ANO3: variants seen among roughly 807,000 people sequenced by gnomAD.
ANO3 encodes the protein anoctamin-3.
In ANO3, 99 loss-of-function variants were observed where a neutral mutation model predicts 144.8. The observed-to-expected ratio is 0.68, with a 90% confidence interval of 0.58 to 0.81. ANO3 has a LOEUF of 0.81. ANO3 is among the 30% of genes least tolerant of loss of function. ANO3 has a pLI of 0.00. For missense variants in ANO3, 905 were observed against 1,202.2 expected (o/e 0.75, Z 3.66); for synonymous variants, 414 against 392.6 (o/e 1.05, Z -0.64).
At chr11:26,294,891 A>T (rs1325030127) in intron 1 of ANO3, among the ~76,000 whole-genome samples, 1 of 151,600 alleles carries the variant, frequency 6.6e-6, no homozygotes, top group African/African-American at 2.4e-5. Context: ...TCTTTTTTTA[A>T]ATGTATTTAT....
At chr11:26,569,358 AGAAATTTAT>A (rs1289926610) in intron 14 of ANO3, among the ~76,000 whole-genome samples, 1 of 152,138 alleles carries the variant, frequency 6.6e-6, no homozygotes, top group African/African-American at 2.4e-5. Flanking sequence ...TGGTTTATTC[AGAAATTTAT>A]ACACTACAGA....
At chr11:26,301,585 C>CT (rs1854233825) in intron 1 of ANO3, among the ~76,000 whole-genome samples, 1 of 152,064 alleles carries the variant, frequency 6.6e-6, no homozygotes, top group Non-Finnish European at 1.5e-5. Context: ...ATTTCTTCCA[C>CT]TTCTGTCATT....
At chr11:26,200,873 C>G (rs1016828396) in intron 1 of ANO3, among the ~76,000 whole-genome samples, 11 of 152,044 alleles carry the variant, frequency 7.2e-5, no homozygotes, top group African/African-American at 2.7e-4. Context: ...GTACATGATT[C>G]AAAACATATT....
intron 1 of ANO3, among the ~76,000 whole-genome samples, chr11:26,249,128 T>A (rs913815142): frequency 5.9e-5 from 9 of 152,192 alleles, no homozygotes; most frequent in Non-Finnish European, 5.9e-5. Context: ...TATATTTGCA[T>A]AGCTCTTCAA....
intron 1 of ANO3, among the ~76,000 whole-genome samples, chr11:26,333,367 T>C (rs1204473211): frequency 6.6e-6 from 1 of 151,686 alleles, no homozygotes. Flanking sequence ...CTGCAAGCTC[T>C]GCATCCCAGG....
At chr11:26,568,801 AT>A (rs1850701999) in intron 14 of ANO3, among the ~76,000 whole-genome samples, 1 of 152,012 alleles carries the variant, frequency 6.6e-6, no homozygotes, top group Non-Finnish European at 1.5e-5. Context: ...AAAAATAGTT[AT>A]GTGTACCTTT....
At chr11:26,336,541 A>G (rs1855198036) in intron 1 of ANO3, among the ~76,000 whole-genome samples, 1 of 152,304 alleles carries the variant, frequency 6.6e-6, no homozygotes, top group African/African-American at 2.4e-5. Context: ...ATTTGTTGCT[A>G]TTGCAAGTGC....
rs1852910646 is a variant in ANO3 at position 26,635,142 on chromosome 11, C to G, written c.2043+72C>G. 2.9e-6 allele frequency: 4 copies of G among 1,383,754 alleles called. No individual in the cohort carries two copies. In the Admixed American group the frequency reaches 5.1e-5, roughly 18 times the overall value. The allele number at this position is 1,383,754 out of a possible 1,614,324, so 85.7% of individuals were successfully genotyped here. A position where few individuals can be genotyped will look rare whatever the true frequency, so the allele number is the denominator to read the frequency against. Reference sequence around the variant, plus strand: ...GCCAGTTACTGCGGGAGGAAGGGAGCTGAAGAAAGGAGAAGTTCAGGGAAC... The same window carrying G: ...GCCAGTTACTGCGGGAGGAAGGGAGGTGAAGAAAGGAGAAGTTCAGGGAAC... On this transcript the variant is annotated intron_variant, in intron 20 of 26. Coordinates refer to ENST00000256737, the MANE Select transcript of ANO3 (RefSeq NM_031418.4).
Position 26,189,134 on chromosome 11 carries a change from A to G in ANO3, c.-43A>G, listed in dbSNP as rs1392034114. 8 of 911,488 alleles carry G rather than the reference A, an allele frequency of 8.8e-6. No homozygotes were observed. In the Admixed American group the frequency reaches 2.5e-4, roughly 28 times the overall value. 56.5% of individuals were successfully genotyped at this position (911,488 alleles called of 1,614,324 possible). A position where few individuals can be genotyped will look rare whatever the true frequency, so the allele number is the denominator to read the frequency against. On this transcript the variant is annotated 5_prime_UTR_variant, in exon 1 of 28. Transcript: ENST00000672621. ...CTATCCCTTAATTTTAAAGAATTCA[A>G]TAGTGTGAACTTTACTTTACATAGT...
rs1342607101 is a variant in ANO3 at position 26,259,381 on chromosome 11, G to T, written c.155-50264G>T. Reference sequence around the variant, plus strand: ...AGTGATAAAAATGGCCAGGCATGGTGGCTCACGCCTATAATTCCACCTCTT... The same window carrying T: ...AGTGATAAAAATGGCCAGGCATGGTTGCTCACGCCTATAATTCCACCTCTT... On this transcript the variant is annotated intron_variant, in intron 1 of 27. Coordinates refer to the ANO3 transcript ENST00000672621. 4.6e-5 allele frequency among the ~76,000 whole-genome samples: 7 copies of T among 152,248 alleles called. No individual in the cohort carries two copies. In the East Asian group the frequency reaches 1.4e-3, roughly 29 times the overall value.
intron 1 of ANO3, among the ~76,000 whole-genome samples, chr11:26,441,413 G>A (rs1477480552): frequency 3.3e-5 from 5 of 150,848 alleles, no homozygotes; most frequent in African/African-American, 7.3e-5. Context: ...CACTGCGCCC[G>A]GCCTGCTGCC....
chr11:26,613,242 T>C (rs1852152687), intron 17 of ANO3, among the ~76,000 whole-genome samples: 1 of 152,174 alleles, frequency 6.6e-6, no homozygotes, highest in Non-Finnish European at 1.5e-5. Context: ...TATTCAAGCT[T>C]AAAAATATAT....
chr11:26,487,405 T>A (rs1860496698), intron 4 of ANO3, among the ~76,000 whole-genome samples: 1 of 152,214 alleles, frequency 6.6e-6, no homozygotes, highest in Non-Finnish European at 1.5e-5. Context: ...AAACCTCTTT[T>A]TGTTCCCAGT....
chr11:26,415,088 GTT>G (rs1491358718), intron 1 of ANO3, among the ~76,000 whole-genome samples: 1 of 150,694 alleles, frequency 6.6e-6, no homozygotes, highest in Non-Finnish European at 1.5e-5. Context: ...GTGTGTGTGT[GTT>G]TGGGAGTGAG....
At chr11:26,269,284 A>T (rs545120571) in intron 1 of ANO3, among the ~76,000 whole-genome samples, 39 of 152,244 alleles carry the variant, frequency 2.6e-4, no homozygotes, top group African/African-American at 8.4e-4. Flanking sequence ...CTCAGGCAGG[A>T]CTTCCTTAGG....
chr11:26,577,467 G>A (rs141671830), intron 14 of ANO3, among the ~76,000 whole-genome samples: 2 of 151,944 alleles, frequency 1.3e-5, no homozygotes, highest in South Asian at 2.1e-4. Flanking sequence ...GGAGGCTGAG[G>A]CAGGAGAATG....
At chr11:26,296,592 A>G (rs566430773) in intron 1 of ANO3, among the ~76,000 whole-genome samples, 1 of 152,202 alleles carries the variant, frequency 6.6e-6, no homozygotes, top group East Asian at 1.9e-4. Flanking sequence ...GGGGTTAGGA[A>G]AAAAGGGGGT....
intron 1 of ANO3, among the ~76,000 whole-genome samples, chr11:26,244,504 C>A (rs1590213036): frequency 6.6e-6 from 1 of 152,138 alleles, no homozygotes; most frequent in Non-Finnish European, 1.5e-5. Context: ...TCCACCAGTC[C>A]TGTACATAGC....
At chr11:26,230,032 C>G (rs1310471922) in intron 1 of ANO3, among the ~76,000 whole-genome samples, 1 of 152,134 alleles carries the variant, frequency 6.6e-6, no homozygotes, top group Non-Finnish European at 1.5e-5. Context: ...TTGTCCAAAG[C>G]AAGGTAGGCC....
Sources: gnomAD v4.1 joint callset for allele counts (sites outside exome capture counted in the v4.1 genomes callset) on GRCh38, gnomAD v4.1.1 for gene constraint, MANE v1.5 for transcripts, NCBI Gene and HGNC (gene_info 2026-07-23, HGNC 2026-07-21) for gene names.